Variants in CFAP47 observed in about 807,000 individuals in gnomAD.
CFAP47 encodes cilia- and flagella-associated protein 47.
A neutral mutation model predicts 148.1 loss-of-function variants in CFAP47; 29 were observed. The ratio of observed to expected loss-of-function variants is 0.20; its 90% confidence interval spans 0.15 to 0.27. The LOEUF (loss-of-function observed/expected upper bound fraction) is 0.27. CFAP47 is among the 10% of genes least tolerant of loss of function. The pLI is 1.00. For synonymous variants in CFAP47, 664 were observed against 577.3 expected (o/e 1.15, Z -2.15); for missense variants, 1,872 against 1,697.5 (o/e 1.10, Z -1.81).
Position 36,176,762 on chromosome X carries a change from G to A in CFAP47, c.6027-2583G>A, listed in dbSNP as rs148583231. 1.0e-3 allele frequency among the ~76,000 whole-genome samples: 114 copies of A among 111,523 alleles called. 1 individual carries two copies. In the East Asian group the frequency reaches 0.01, roughly 10 times the overall value. ...CTACAAAAATTCAAAAAAATTAGCC[G>A]CGCATGGTGGCATGCACCTGTAATC... On this transcript the variant is annotated intron_variant, in intron 39 of 63. Transcript: ENST00000378653.
chrX:36,261,770 C>T (rs1940827157), intron 49 of CFAP47, among the ~76,000 whole-genome samples: 1 of 111,408 alleles, frequency 9.0e-6, no homozygotes, highest in Non-Finnish European at 1.9e-5. Context: ...ATCTTTTCCC[C>T]ACCTTTCCCC....
intron 62 of CFAP47, among the ~76,000 whole-genome samples, chrX:36,367,581 T>C (rs1477078949): frequency 8.9e-6 from 1 of 112,316 alleles, no homozygotes; most frequent in Non-Finnish European, 1.9e-5. Flanking sequence ...AAATCTCACA[T>C]GTAAAATATA....
rs1324229132 is a variant in CFAP47 at position 35,947,280 on chromosome X, G to T, written c.518-1034G>T. Reference sequence around the variant, plus strand: ...GGCTGGAACTTGACTGATCTAGGCTGGGCTCATCTGGGTGCTCTGCTTCAA... The same window carrying T: ...GGCTGGAACTTGACTGATCTAGGCTTGGCTCATCTGGGTGCTCTGCTTCAA... On this transcript the variant is annotated intron_variant, in intron 3 of 63. Transcript: ENST00000378653. 3.6e-5 allele frequency among the ~76,000 whole-genome samples: 4 copies of T among 109,615 alleles called. No individual in the cohort carries two copies. In the East Asian group the frequency reaches 1.2e-3, roughly 33 times the overall value.
In CFAP47 at chrX:36,200,215, ACT is replaced by A. The variant is rs1247534353; in HGVS notation, c.6322-163_6322-162del. 4.5e-5 allele frequency among the ~76,000 whole-genome samples: 5 copies of A among 112,080 alleles called. No homozygotes were observed. The East Asian group carries it at 1.4e-3, about 32-fold the overall frequency. ...AAAGTTTCTCCCATACTATGGTTGA[ACT>A]ATATTTGTGCCTTACCTTTGTTTAC... is the stretch of plus-strand genomic sequence containing the variant. On this transcript the variant is annotated intron_variant, in intron 42 of 63. Transcript: ENST00000378653.
intron 35 of CFAP47, chrX:36,144,890 G>T: frequency 1.1e-5 from 10 of 937,641 alleles, no homozygotes; most frequent in Non-Finnish European, 1.4e-5. Flanking sequence ...CTCAGAATGG[G>T]GCCTGCACTG....
chrX:36,176,619 G>A lies in CFAP47; in HGVS notation c.6027-2726G>A, dbSNP rs5927471. Among the ~76,000 whole-genome samples the A allele has an allele frequency of 5.9e-3, 665 of 112,284 alleles. 6 individuals carry two copies. The highest frequency in any genetic ancestry group is 0.016 in the Admixed American group (170 of 10,573). On this transcript the variant is annotated intron_variant, in intron 39 of 63. Coordinates refer to ENST00000378653, the MANE Select transcript of CFAP47 (RefSeq NM_001304548.2). ...AGCAGGTTTCAAAGTTTAATAAATG[G>A]GTGAGGCCAGGCTTGGTGGCTCATG...
intron 2 of CFAP47, among the ~76,000 whole-genome samples, chrX:35,938,070 T>C (rs1223868983): frequency 8.9e-6 from 1 of 111,865 alleles, no homozygotes; most frequent in Non-Finnish European, 1.9e-5. Context: ...AAAGAGGTAA[T>C]GGCTTATATA....
At chrX:36,256,951 A>G (rs1555999081) in intron 49 of CFAP47, among the ~76,000 whole-genome samples, 1 of 112,355 alleles carries the variant, frequency 8.9e-6, no homozygotes, top group East Asian at 2.8e-4. Context: ...TTTTCAGTTG[A>G]GAGAGGATTC....
At chrX:36,286,231 A>G (rs1220741397) in intron 51 of CFAP47, among the ~76,000 whole-genome samples, 7 of 111,527 alleles carry the variant, frequency 6.3e-5, no homozygotes, top group Admixed American at 1.9e-4. Context: ...AAATATTAAG[A>G]GTCTTATTTT....
chrX:36,349,798 T>C (rs2146984483), intron 58 of CFAP47, among the ~76,000 whole-genome samples: 1 of 111,654 alleles, frequency 9.0e-6, no homozygotes, highest in African/African-American at 3.2e-5. Context: ...TCTTCAATTT[T>C]AACTTATATT....
At chrX:35,994,063 C>T (rs1174320927) in intron 18 of CFAP47, among the ~76,000 whole-genome samples, 1 of 110,379 alleles carries the variant, frequency 9.1e-6, no homozygotes, top group East Asian at 2.8e-4. Flanking sequence ...GAGATCGAGA[C>T]CATCTTGGCT....
chrX:36,060,784 A>G (rs1323843767), intron 26 of CFAP47, among the ~76,000 whole-genome samples: 1 of 111,481 alleles, frequency 9.0e-6, no homozygotes, highest in East Asian at 2.8e-4. Flanking sequence ...TATAAATAAC[A>G]ATTTCTTGAT....
At chrX:36,261,320 CTTTTTTTT>C (rs143068749) in intron 49 of CFAP47, among the ~76,000 whole-genome samples, 3 of 20,450 alleles carry the variant, frequency 1.5e-4, no homozygotes, top group Non-Finnish European at 2.5e-4. Flanking sequence ...AGATACTATT[CTTTTTTTT>C]TTTTTTTTTT....
chrX:36,158,743 A>C (rs867700134), intron 37 of CFAP47, among the ~76,000 whole-genome samples: 2 of 111,535 alleles, frequency 1.8e-5, no homozygotes, highest in African/African-American at 6.5e-5. Context: ...ATATTGCAGG[A>C]GGATCATGGG....
intron 10 of CFAP47, among the ~76,000 whole-genome samples, chrX:35,968,641 T>A (rs1260973009): frequency 2.7e-5 from 3 of 111,548 alleles, no homozygotes; most frequent in African/African-American, 6.5e-5. Flanking sequence ...CTGCAGACAT[T>A]TTCTTGCAAT....
intron 33 of CFAP47, among the ~76,000 whole-genome samples, chrX:36,131,144 T>C (rs948586450): frequency 1.8e-5 from 2 of 111,062 alleles, no homozygotes; most frequent in Non-Finnish European, 3.8e-5. Flanking sequence ...TATTTCACAT[T>C]GAATGCCTGT....
intron 40 of CFAP47, among the ~76,000 whole-genome samples, chrX:36,182,875 T>C (rs1297402094): frequency 8.9e-6 from 1 of 112,947 alleles, no homozygotes; most frequent in East Asian, 2.8e-4. Flanking sequence ...GTGGAATTTA[T>C]GTGTCAACAT....
chrX:36,145,954 C>T (rs1273516412), intron 36 of CFAP47, among the ~76,000 whole-genome samples: 2 of 109,705 alleles, frequency 1.8e-5, no homozygotes, highest in Non-Finnish European at 3.8e-5. Context: ...GCCTCCTCTT[C>T]TTTGTGTTTG....
At chrX:36,203,054 A>G (rs1444715070) in intron 44 of CFAP47, among the ~76,000 whole-genome samples, 1 of 111,504 alleles carries the variant, frequency 9.0e-6, no homozygotes, top group Non-Finnish European at 1.9e-5. Flanking sequence ...GAATCAATAC[A>G]GCCTAATCCC....
Sources: gnomAD v4.1 joint callset for allele counts (sites outside exome capture counted in the v4.1 genomes callset) on GRCh38, gnomAD v4.1.1 for gene constraint, MANE v1.5 for transcripts, NCBI Gene and HGNC (gene_info 2026-07-23, HGNC 2026-07-21) for gene names.